The following PITPNC1 variants were observed in gnomAD, a reference collection of about 807,000 sequenced individuals.
The protein encoded by PITPNC1 is cytoplasmic phosphatidylinositol transfer protein 1.
PITPNC1 carries 18 observed loss-of-function variants against 44.7 expected under a neutral mutation model. The observed-to-expected ratio is 0.40, with a 90% CI of 0.28 to 0.60. The LOEUF (loss-of-function observed/expected upper bound fraction) is 0.60. Among genes scored for constraint, PITPNC1 ranks in the 20% least tolerant of loss-of-function variants. The probability of loss-of-function intolerance (pLI) is 0.39; values close to 1 mark genes in which losing one functional copy is unlikely to be tolerated. For synonymous variants in PITPNC1, 141 were observed against 149.6 expected (o/e 0.94, Z 0.42); for missense variants, 290 against 418.4 (o/e 0.69, Z 2.68).
rs1312088784 is a variant in PITPNC1, at chr17:67,695,249, AG to A, written c.*2366del. 1 of 152,190 alleles carries A rather than the reference AG, an allele frequency of 6.6e-6. No homozygotes were observed. The highest frequency in any genetic ancestry group is 2.4e-5 in the African/African-American group (1 of 41,464). The allele number at this position is 152,190 out of a possible 1,614,324, so 9.4% of individuals were successfully genotyped here. ...TACATATGCTTTGTGTGAGTTAAAA[AG>A]GGGGTGGGTGGTGTAAATATTCCTT... On this transcript the variant is annotated 3_prime_UTR_variant, in exon 9 of 9. Coordinates refer to ENST00000581322, the MANE Select transcript of PITPNC1 (RefSeq NM_012417.4).
chr17:67,475,392 G>A (rs1226726695), intron 1 of PITPNC1, among the ~76,000 whole-genome samples: 6 of 152,156 alleles, frequency 3.9e-5, no homozygotes, highest in South Asian at 2.1e-4. Context: ...AAAACAGCCC[G>A]GGGTGTTTGG....
At chr17:67,610,943 A>C (rs897657440) in intron 5 of PITPNC1, among the ~76,000 whole-genome samples, 30 of 151,884 alleles carry the variant, frequency 2.0e-4, no homozygotes, top group Middle Eastern at 3.2e-3. Flanking sequence ...AAAGAAAAAG[A>C]AAAGAAAAAA....
At chr17:67,402,666 G>T in intron 1 of PITPNC1, among the ~76,000 whole-genome samples, 1 of 151,978 alleles carries the variant, frequency 6.6e-6, no homozygotes, top group Non-Finnish European at 1.5e-5. Context: ...TGTTTTTATT[G>T]TTTGTTTGTT....
chr17:67,574,630 C>T (rs1276010793), intron 4 of PITPNC1, among the ~76,000 whole-genome samples: 1 of 152,142 alleles, frequency 6.6e-6, no homozygotes, highest in Non-Finnish European at 1.5e-5. Context: ...AGAAACCAGC[C>T]TGCATGGGGG....
Position 67,669,607 on chromosome 17 carries a change from A to G in PITPNC1, c.562A>G (p.Thr188Ala), listed in dbSNP as rs1331224769. The change falls in exon 7 of 9, where the codon ACT becomes GCT. Residue 188 changes from threonine to alanine, a missense_variant. Transcript: ENST00000581322. ...TATCATGTGCTCCTACAAGCTGGTG[A>G]CTGTGAAGTTTGAGGTCTGGGGGCT... ...QPIMCSYKLVTVKFEVWGLQT... is the reference protein window; with the variant it reads ...QPIMCSYKLVAVKFEVWGLQT... 6.2e-7 allele frequency: 1 copy of G among 1,605,272 alleles called. No homozygotes were observed. The highest frequency in any genetic ancestry group is 8.5e-7 in the Non-Finnish European group (1 of 1,175,652).
chr17:67,427,207 C>G (rs995529761), intron 1 of PITPNC1, among the ~76,000 whole-genome samples: 2 of 151,982 alleles, frequency 1.3e-5, no homozygotes, highest in Non-Finnish European at 2.9e-5. Flanking sequence ...TACTTTCTCA[C>G]TATTTATTTA....
At chr17:67,582,874 C>G (rs994744908) in intron 5 of PITPNC1, among the ~76,000 whole-genome samples, 1 of 152,224 alleles carries the variant, frequency 6.6e-6, no homozygotes, top group Admixed American at 6.5e-5. Flanking sequence ...CCTGGTTCAG[C>G]TGAATGAGAG....
intron 1 of PITPNC1, among the ~76,000 whole-genome samples, chr17:67,437,372 G>A (rs1306268385): frequency 6.6e-6 from 1 of 152,140 alleles, no homozygotes; most frequent in African/African-American, 2.4e-5. Context: ...CTTGAACATG[G>A]AGGCAGAAGT....
At chr17:67,687,942 C>A (rs2042846405) in intron 8 of PITPNC1, among the ~76,000 whole-genome samples, 1 of 151,520 alleles carries the variant, frequency 6.6e-6, no homozygotes, top group South Asian at 2.1e-4. Context: ...CAAATCATTT[C>A]TTTGCATCTT....
At chr17:67,650,142 C>T (rs2042193833) in intron 6 of PITPNC1, among the ~76,000 whole-genome samples, 1 of 152,110 alleles carries the variant, frequency 6.6e-6, no homozygotes, top group Admixed American at 6.5e-5. Flanking sequence ...GTTATGCATC[C>T]CAAAAGTCAC....
At chr17:67,386,087 G>A (rs1176194920) in intron 1 of PITPNC1, among the ~76,000 whole-genome samples, 1 of 152,234 alleles carries the variant, frequency 6.6e-6, no homozygotes, top group Non-Finnish European at 1.5e-5. Flanking sequence ...GATTGCGTGA[G>A]TGTGACTGAT....
At chr17:67,473,453 C>T (rs904945014) in intron 1 of PITPNC1, among the ~76,000 whole-genome samples, 4 of 151,138 alleles carry the variant, frequency 2.6e-5, no homozygotes, top group African/African-American at 9.7e-5. Flanking sequence ...CTCAGCCTCC[C>T]GAGTAGCTGG....
chr17:67,432,750 C>G (rs1052899274), intron 1 of PITPNC1, among the ~76,000 whole-genome samples: 2 of 152,202 alleles, frequency 1.3e-5, no homozygotes, highest in Admixed American at 1.3e-4. Context: ...TTCCCTGTCT[C>G]GATTTCCTGA....
At chr17:67,539,936 A>G (rs987411305) in intron 2 of PITPNC1, among the ~76,000 whole-genome samples, 5 of 152,174 alleles carry the variant, frequency 3.3e-5, no homozygotes, top group African/African-American at 1.2e-4. Context: ...CTACATTTAT[A>G]TATATTGTTT....
intron 6 of PITPNC1, among the ~76,000 whole-genome samples, chr17:67,633,790 C>T (rs925377591): frequency 6.6e-6 from 1 of 152,256 alleles, no homozygotes; most frequent in African/African-American, 2.4e-5. Context: ...TCCTGTGACG[C>T]CTCGGGCCCC....
In PITPNC1 at chr17:67,467,802, G is replaced by A. The variant is rs570659778; in HGVS notation, c.49-65000G>A. Among the ~76,000 whole-genome samples the A allele has an allele frequency of 2.0e-5, 3 of 152,332 alleles. No homozygotes were observed. In the East Asian group the frequency reaches 5.8e-4, roughly 29 times the overall value. On this transcript the variant is annotated intron_variant, in intron 1 of 8. Transcript: ENST00000581322. ...CCCCCAAAGAGGTCAGCCTGATCTT[G>A]TAGAAAGCCGTCCCTGGGAAAATGA... is the stretch of plus-strand genomic sequence containing the variant.
intron 6 of PITPNC1, among the ~76,000 whole-genome samples, chr17:67,646,736 C>T (rs1032619559): frequency 2.6e-5 from 4 of 152,056 alleles, no homozygotes; most frequent in African/African-American, 4.8e-5. Flanking sequence ...TGCAGTGTTG[C>T]CTAGGCTGGT....
intron 4 of PITPNC1, among the ~76,000 whole-genome samples, chr17:67,564,494 T>A (rs533522132): frequency 1.2e-4 from 18 of 152,288 alleles, no homozygotes; most frequent in Admixed American, 2.6e-4. Flanking sequence ...GCAGGTTGGA[T>A]GGTGCCCACC....
intron 1 of PITPNC1, among the ~76,000 whole-genome samples, chr17:67,490,375 T>C (rs1186240562): frequency 2.0e-5 from 3 of 151,980 alleles, no homozygotes; most frequent in African/African-American, 7.2e-5. Flanking sequence ...TTTTTTTAAA[T>C]CTTGGCTTTA....
Sources: allele counts gnomAD v4.1 joint callset (sites outside exome capture counted in the v4.1 genomes callset), GRCh38; gene constraint gnomAD v4.1.1; transcripts MANE v1.5; gene names NCBI Gene and HGNC (gene_info 2026-07-23, HGNC 2026-07-21).